Variants in MRTO4 observed in about 807,000 individuals in gnomAD.
MRTO4 encodes MRT4 homolog, ribosome maturation factor, also known as mRNA turnover protein 4 homolog.
Under a neutral mutation model 28.6 loss-of-function variants are expected in MRTO4, and 7 were observed. The ratio of observed to expected loss-of-function variants is 0.24; its 90% CI spans 0.14 to 0.46. The LOEUF is 0.46. Among genes scored for constraint, MRTO4 ranks in the 20% least tolerant of loss-of-function variants. MRTO4 has a pLI of 0.99. For synonymous variants in MRTO4, 113 were observed against 108.2 expected (o/e 1.04, Z -0.27); for missense variants, 302 against 298.3 (o/e 1.01, Z -0.09).
At chr1:19,258,045 G>A in intron 6 of MRTO4, 61 bp downstream of exon 6, 1 of 1,569,204 alleles carries the variant, frequency 6.4e-7, no homozygotes, top group Non-Finnish European at 8.6e-7. Flanking sequence ...GGGCCTGCAA[G>A]CTCATCCCTT....
intron 1 of MRTO4, among the ~76,000 whole-genome samples, chr1:19,254,510 G>T (rs2093668668): frequency 6.6e-6 from 1 of 152,140 alleles, no homozygotes; most frequent in Admixed American, 6.5e-5. Context: ...AAGTTTTTTG[G>T]GTCAGCCTTA....
At chr1:19,257,403 A>C in intron 4 of MRTO4, 51 bp from the exon 5 acceptor site, 1 of 1,602,542 alleles carries the variant, frequency 6.2e-7, no homozygotes, top group Non-Finnish European at 8.6e-7. Flanking sequence ...CGTGCCTAGT[A>C]GAGAACCACT....
intron 1 of MRTO4, 66 bp downstream of exon 1, chr1:19,251,929 G>A: frequency 1.3e-6 from 2 of 1,544,212 alleles, no homozygotes; most frequent in Admixed American, 4.0e-5. Context: ...CCTGCGGTGA[G>A]GGCTTCGGGG....
At chr1:19,256,515 C>T (rs1343138145) in intron 3 of MRTO4, among the ~76,000 whole-genome samples, 1 of 152,174 alleles carries the variant, frequency 6.6e-6, no homozygotes, top group African/African-American at 2.4e-5. Context: ...AACTCCACCT[C>T]AAAAAGCAGA....
chr1:19,258,983 C>T lies in MRTO4; in HGVS notation c.*153C>T, dbSNP rs570517363. 6.7e-5 allele frequency: 68 copies of T among 1,021,680 alleles called. 1 individual carries two copies. In the African/African-American group the frequency reaches 9.9e-4, roughly 15 times the overall value. 63.3% of individuals were successfully genotyped at this position (1,021,680 alleles called of 1,614,324 possible). A position where few individuals can be genotyped will look rare whatever the true frequency, so the allele number is the denominator to read the frequency against. On this transcript the variant is annotated 3_prime_UTR_variant, in exon 8 of 8. Coordinates refer to ENST00000330263, the MANE Select transcript of MRTO4 (RefSeq NM_016183.4). ...CTCCTGTAAAGAATAAAACTGTGGG[C>T]CGGGCGCGGTGGCTCACGCCTGGAA... is the stretch of plus-strand genomic sequence containing the variant.
chr1:19,256,964 G>T (rs1043766127), intron 3 of MRTO4, 100 bp from the exon 4 acceptor site: 5 of 1,156,178 alleles, frequency 4.3e-6, no homozygotes, highest in Non-Finnish European at 5.1e-6. Flanking sequence ...GCTCAGCCTG[G>T]GCCTGAGCTC....
rs1558122015 is a variant in MRTO4, at chr1:19,256,061, C to T, written c.191+10C>T. The stretch of plus-strand genomic sequence containing the variant: ...CCTGGAAGCACAGCCGGTGAGCGGG[C>T]AGGGGGAGGAAGGCCCTTCTGAGTG... On this transcript the variant is annotated intron_variant, in intron 3 of 7. Transcript: ENST00000330263. The T allele has an allele frequency of 8.1e-6, 13 of 1,612,566 alleles. No individual in the cohort carries two copies. Among genetic ancestry groups the T allele is most frequent in the Non-Finnish European group, 7.6e-6 (9 of 1,178,866 alleles).
intron 1 of MRTO4, among the ~76,000 whole-genome samples, chr1:19,253,713 T>C (rs1039298317): frequency 6.6e-6 from 1 of 152,228 alleles, no homozygotes; most frequent in African/African-American, 2.4e-5. Context: ...GATGTCATTG[T>C]CTTTGTCTGT....
Position 19,258,783 on chromosome 1 carries a change from A to G in MRTO4, c.673A>G (p.Ser225Gly), listed in dbSNP as rs780177305. The change falls in exon 8 of 8, where the codon AGC (serine) becomes GGC (glycine). Residue 225 changes from serine to glycine, a missense_variant. Ser to Gly is a moderately conservative substitution (Grantham distance 56, BLOSUM62 0). Transcript: ENST00000330263. ...GCAGATGGGAGACGACTTGCCAGAG[A>G]GCGCATCTGAGTCCACAGAAGAGTC... ...FQQMGDDLPE[S>G]ASESTEESDS... 1.2e-6 allele frequency: 2 copies of G among 1,614,158 alleles called. No individual in the cohort carries two copies. The highest frequency in any genetic ancestry group is 1.1e-5 in the South Asian group (1 of 91,080).
At chr1:19,254,724 A>G in intron 1 of MRTO4, 58 bp from the exon 2 acceptor site, 1 of 1,376,470 alleles carries the variant, frequency 7.3e-7, no homozygotes, top group Non-Finnish European at 1.0e-6. Context: ...GAAGAAAATA[A>G]GTCTCCAGTG....
rs1256354677 is a variant in MRTO4, at chr1:19,257,520, G to A, written c.340G>A (p.Glu114Lys). Residue 114 changes from glutamate to lysine, a missense_variant and splice_region_variant, in exon 5 of 8, where the codon GAG becomes AAG. Glu to Lys is a moderately conservative substitution (Grantham distance 56, BLOSUM62 1). Coordinates refer to ENST00000330263, the MANE Select transcript of MRTO4 (RefSeq NM_016183.4). The stretch of plus-strand genomic sequence containing the variant: ...CAACCGCACAAAGGAGGAGGTGAAT[G>A]AGTAAGTACTGCTGAGGAACGGAGG... ...FTNRTKEEVN[E>K]WFTKYTEMDY... 6.2e-7 allele frequency: 1 copy of A among 1,614,178 alleles called. No individual in the cohort carries two copies. The highest frequency in any genetic ancestry group is 1.7e-5 in the Admixed American group (1 of 60,030).
intron 1 of MRTO4, among the ~76,000 whole-genome samples, chr1:19,252,769 A>G (rs556239551): frequency 7.2e-4 from 110 of 152,078 alleles, no homozygotes; most frequent in African/African-American, 2.5e-3. Context: ...TCCCACCTCA[A>G]CCTCCCGAGT....
At chr1:19,254,927 C>A in intron 2 of MRTO4, 87 bp downstream of exon 2, 2 of 1,186,296 alleles carry the variant, frequency 1.7e-6, no homozygotes, top group East Asian at 2.6e-5. Context: ...GGACTGTTGG[C>A]CAGGGGAACA....
Position 19,257,812 on chromosome 1 carries a change from A to G in MRTO4, c.342-21A>G, listed in dbSNP as rs1259690238. 1.9e-6 allele frequency: 3 copies of G among 1,610,946 alleles called. No homozygotes were observed. The African/African-American group carries it at 4.0e-5, about 22-fold the overall frequency. ...GGCGTGGCCAGGAGCATCTCCTCCTACCACTTCTCTTTTCCCTTAGGTGGT... is the reference window on the plus strand; with the variant it reads ...GGCGTGGCCAGGAGCATCTCCTCCTGCCACTTCTCTTTTCCCTTAGGTGGT... On this transcript the variant is annotated intron_variant, in intron 5 of 7. Transcript: ENST00000330263.
In MRTO4 at chr1:19,258,719, C is replaced by A; in HGVS notation, c.609C>A (p.Thr203=). Residue 203 remains threonine, a synonymous_variant, in exon 8 of 8, where the codon ACC becomes ACA. Coordinates refer to ENST00000330263, the MANE Select transcript of MRTO4 (RefSeq NM_016183.4). ...ATGAGATGGCTGAATTCAAGGTGAC[C>A]ATCAAATACATGTGGGATTCACAGT... ...FGYEMAEFKV[T]IKYMWDSQSG... 1 of 1,614,124 alleles carries A rather than the reference C, an allele frequency of 6.2e-7. No individual in the cohort carries two copies. The highest frequency in any genetic ancestry group is 8.5e-7 in the Non-Finnish European group (1 of 1,180,028).
rs1569606025 is a variant in MRTO4 at position 19,259,909 on chromosome 1, T to C, written c.*1079T>C. On this transcript the variant is annotated 3_prime_UTR_variant, in exon 8 of 8. Transcript: ENST00000330263. ...TTTGTCCACCTTGTTCTATTTGCTT[T>C]TGTTTGTTTTTGATTTTTCTGTTTT... 3.3e-5 allele frequency: 5 copies of C among 152,288 alleles called. 1 individual carries two copies. Among genetic ancestry groups the C allele is most frequent in the Admixed American group, 3.3e-4 (5 of 15,282 alleles). The allele number at this position is 152,288 out of a possible 1,614,324, so 9.4% of individuals were successfully genotyped here. A position where few individuals can be genotyped will look rare whatever the true frequency, so the allele number is the denominator to read the frequency against.
chr1:19,258,088 A>G, intron 6 of MRTO4, 104 bp downstream of exon 6: 1 of 1,414,542 alleles, frequency 7.1e-7, no homozygotes, highest in Non-Finnish European at 9.4e-7. Flanking sequence ...ACAAGCTTCC[A>G]TTTTCTCATG....
In MRTO4 at chr1:19,258,922, A is replaced by G; in HGVS notation, c.*92A>G. 1.4e-6 allele frequency: 2 copies of G among 1,407,512 alleles called. No homozygotes were observed. The highest frequency in any genetic ancestry group is 2.6e-5 in the Admixed American group (1 of 37,980). 87.2% of individuals were successfully genotyped at this position (1,407,512 alleles called of 1,614,324 possible). ...GCCCCTCTGGAGAGAGCAGCTTTTT[A>G]TTTGTCTGTAGACAGGGAACATGAT... On this transcript the variant is annotated 3_prime_UTR_variant, in exon 8 of 8. Coordinates refer to ENST00000330263, the MANE Select transcript of MRTO4 (RefSeq NM_016183.4).
intron 5 of MRTO4, 54 bp from the exon 6 acceptor site, chr1:19,257,779 G>T (rs570854846): frequency 7.1e-5 from 113 of 1,595,680 alleles, no homozygotes; most frequent in Non-Finnish European, 9.1e-5. Flanking sequence ...CCTGACTCAT[G>T]GGCTGGTGGC....
Sources: allele counts gnomAD v4.1 joint callset (sites outside exome capture counted in the v4.1 genomes callset), GRCh38; gene constraint gnomAD v4.1.1; transcripts MANE v1.5; gene names NCBI Gene and HGNC (gene_info 2026-07-23, HGNC 2026-07-21).